The following EXOC6 variants were observed in gnomAD, a reference collection of about 807,000 sequenced individuals.
EXOC6 encodes the protein SEC15-like 1.
Under a neutral mutation model 112.5 loss-of-function variants are expected in EXOC6, and 60 were observed. The observed-to-expected ratio is 0.53, with a 90% confidence interval of 0.43 to 0.66. EXOC6 has a LOEUF of 0.66. Ranked by LOEUF, EXOC6 falls within the 30% of genes least tolerant of loss-of-function variation. The pLI is 0.00. For missense variants in EXOC6, 855 were observed against 957.1 expected (o/e 0.89, Z 1.41); for synonymous variants, 295 against 308.0 (o/e 0.96, Z 0.44).
chr10:93,017,404 C>T (rs1158380663), intron 20 of EXOC6, among the ~76,000 whole-genome samples: 5 of 151,348 alleles, frequency 3.3e-5, no homozygotes, highest in Non-Finnish European at 5.9e-5. Flanking sequence ...TCCTGGCCAA[C>T]ACGGTGAAAC....
At chr10:92,841,197 T>TC (rs1846837957) in intron 1 of EXOC6, among the ~76,000 whole-genome samples, 1 of 152,198 alleles carries the variant, frequency 6.6e-6, no homozygotes, top group South Asian at 2.1e-4. Context: ...ACATCTTTGA[T>TC]TAACATCTTT....
At chr10:92,927,078 T>C (rs572160261) in intron 8 of EXOC6, among the ~76,000 whole-genome samples, 2 of 152,352 alleles carry the variant, frequency 1.3e-5, no homozygotes, top group South Asian at 2.1e-4. Context: ...AAAAATATTT[T>C]CTGCATTTTA....
chr10:92,920,385 T>C (rs1372046531), intron 8 of EXOC6, among the ~76,000 whole-genome samples: 1 of 152,220 alleles, frequency 6.6e-6, no homozygotes, highest in East Asian at 1.9e-4. Flanking sequence ...ATGTTCCTTT[T>C]TAAAAATAAC....
chr10:93,012,351 T>A (rs1332932397), intron 19 of EXOC6, among the ~76,000 whole-genome samples: 1 of 152,300 alleles, frequency 6.6e-6, no homozygotes, highest in East Asian at 1.9e-4. Flanking sequence ...AGAACTCAAA[T>A]AGCGCAGCTT....
chr10:92,937,003 T>TG (rs1200738874), intron 12 of EXOC6, among the ~76,000 whole-genome samples: 1 of 152,186 alleles, frequency 6.6e-6, no homozygotes, highest in Non-Finnish European at 1.5e-5. Flanking sequence ...TGTCACCCCC[T>TG]GAGATGTTGA....
At chr10:92,933,985 T>C (rs929059473) in intron 9 of EXOC6, among the ~76,000 whole-genome samples, 159 bp from the exon 10 acceptor site, 4 of 152,122 alleles carry the variant, frequency 2.6e-5, no homozygotes, top group African/African-American at 9.7e-5. Flanking sequence ...GAGTAAGGAC[T>C]TTTTGTTATT....
chr10:92,997,383 A>G, intron 18 of EXOC6, 91 bp from the exon 19 acceptor site: 1 of 1,256,456 alleles, frequency 8.0e-7, no homozygotes, highest in Non-Finnish European at 1.1e-6. Context: ...AGCAACAAAA[A>G]GAATGCCAGG....
chr10:93,016,712 C>A (rs528830633), intron 20 of EXOC6, among the ~76,000 whole-genome samples: 1 of 152,130 alleles, frequency 6.6e-6, no homozygotes, highest in East Asian at 1.9e-4. Flanking sequence ...TCCTGAAATT[C>A]TGATGTCTTG....
chr10:92,897,287 G>C (rs1182033530), intron 4 of EXOC6, among the ~76,000 whole-genome samples: 1 of 152,116 alleles, frequency 6.6e-6, no homozygotes, highest in African/African-American at 2.4e-5. Flanking sequence ...TAAGTATTGT[G>C]TTCCTAATGG....
At chr10:92,998,043 G>A (rs1456094180) in intron 19 of EXOC6, among the ~76,000 whole-genome samples, 4 of 151,960 alleles carry the variant, frequency 2.6e-5, no homozygotes, top group Admixed American at 1.3e-4. Context: ...CTGAATTTTT[G>A]TTTCTCCTTT....
At chr10:92,828,689 TC>T (rs1297634020) in intron 1 of EXOC6, among the ~76,000 whole-genome samples, 7 of 40,584 alleles carry the variant, frequency 1.7e-4, no homozygotes, top group Admixed American at 3.4e-4. Context: ...GTTTTGTGTG[TC>T]TGTGTGTGTG....
At chr10:92,842,452 A>C (rs555270070) in intron 1 of EXOC6, among the ~76,000 whole-genome samples, 1 of 151,230 alleles carries the variant, frequency 6.6e-6, no homozygotes, top group East Asian at 1.9e-4. Context: ...CATCATCATC[A>C]TCATCATCAT....
At chr10:92,995,738 A>G (rs1412580204) in intron 18 of EXOC6, among the ~76,000 whole-genome samples, 1 of 152,092 alleles carries the variant, frequency 6.6e-6, no homozygotes. Context: ...TGGGTTTTGC[A>G]TTGTTTGTTA....
chr10:92,829,999 T>A (rs767644366), upstream of EXOC6, among the ~76,000 whole-genome samples: 1 of 152,192 alleles, frequency 6.6e-6, no homozygotes, highest in African/African-American at 2.4e-5. Context: ...CACCCACCCC[T>A]TTCCCAGAAA....
At chr10:92,828,207 T>G (rs953715155) in intron 1 of EXOC6, among the ~76,000 whole-genome samples, 1 of 152,242 alleles carries the variant, frequency 6.6e-6, no homozygotes, top group African/African-American at 2.4e-5. Flanking sequence ...ACGTCTTTTA[T>G]TTCCCTATCT....
intron 5 of EXOC6, among the ~76,000 whole-genome samples, chr10:92,908,274 C>T (rs548255873): frequency 1.6e-4 from 25 of 151,836 alleles, no homozygotes; most frequent in South Asian, 1.2e-3. Context: ...AGGCTGGTCT[C>T]GAATTCTTGA....
chr10:92,850,235 A>T (rs959801249), intron 1 of EXOC6, among the ~76,000 whole-genome samples: 1 of 152,214 alleles, frequency 6.6e-6, no homozygotes, highest in African/African-American at 2.4e-5. Flanking sequence ...AACTTAGAAG[A>T]AAAATTTGAA....
chr10:92,976,695 A>T (rs1267232500), intron 18 of EXOC6, among the ~76,000 whole-genome samples: 3 of 151,840 alleles, frequency 2.0e-5, no homozygotes, highest in African/African-American at 7.3e-5. Flanking sequence ...AAAAAAACAT[A>T]ATTAATGGCT....
At chr10:92,966,566 A>G (rs570359228) in intron 17 of EXOC6, among the ~76,000 whole-genome samples, 77 of 150,704 alleles carry the variant, frequency 5.1e-4, no homozygotes, top group South Asian at 4.6e-3. Flanking sequence ...GCGATAGTTT[A>G]CTGAGAATGA....
Sources: gnomAD v4.1 joint callset for allele counts (sites outside exome capture counted in the v4.1 genomes callset) on GRCh38, gnomAD v4.1.1 for gene constraint, MANE v1.5 for transcripts, NCBI Gene and HGNC (gene_info 2026-07-23, HGNC 2026-07-21) for gene names.